TVP23B: variants seen among roughly 807,000 people sequenced by gnomAD.
The protein encoded by TVP23B is Golgi apparatus membrane protein TVP23 homolog B.
In TVP23B, 10 loss-of-function variants were observed where a neutral mutation model predicts 30.6. The observed-to-expected ratio is 0.33, with a 90% confidence interval of 0.20 to 0.55. TVP23B has a LOEUF of 0.55. TVP23B is among the 20% of genes least tolerant of loss of function. The pLI is 0.91. For synonymous variants in TVP23B, 67 were observed against 83.1 expected (o/e 0.81, Z 1.06); for missense variants, 153 against 243.2 (o/e 0.63, Z 2.47).
intron 1 of TVP23B, among the ~76,000 whole-genome samples, chr17:18,783,744 G>A (rs1443556110): frequency 6.6e-6 from 1 of 152,132 alleles, no homozygotes; most frequent in East Asian, 1.9e-4. Context: ...CTTGCCTACT[G>A]GAAGGCATTG....
intron 5 of TVP23B, among the ~76,000 whole-genome samples, chr17:18,799,800 T>C (rs866215039): frequency 1.3e-5 from 2 of 152,240 alleles, no homozygotes; most frequent in East Asian, 3.9e-4. Context: ...ATATCAGATA[T>C]ATTTTGGCCT....
At chr17:18,787,382 G>A (rs12452472) in intron 1 of TVP23B, among the ~76,000 whole-genome samples, 9,782 of 123,942 alleles carry the variant, frequency 0.079, 34 homozygotes, top group Middle Eastern at 0.13. Context: ...CAGCCTGGGC[G>A]ACAGAGCAAG....
At chr17:18,784,080 G>A (rs1201955684) in intron 1 of TVP23B, among the ~76,000 whole-genome samples, 1 of 152,152 alleles carries the variant, frequency 6.6e-6, no homozygotes, top group Non-Finnish European at 1.5e-5. Flanking sequence ...GGGAGGCGGA[G>A]CTTGCAGTGA....
chr17:18,792,159 G>A (rs1203464205), intron 3 of TVP23B, among the ~76,000 whole-genome samples: 2 of 151,484 alleles, frequency 1.3e-5, no homozygotes, highest in African/African-American at 2.4e-5. Flanking sequence ...TCAGACTCCC[G>A]AGTAGCTGGG....
At position 18,793,056 on chromosome 17, in the gene TVP23B, A is replaced by C. The variant is rs1029271102; in HGVS notation, c.240+2016A>C. Among the ~76,000 whole-genome samples, 1,331 of 151,872 alleles carry C rather than the reference A, an allele frequency of 8.8e-3. 17 individuals carry two copies. Among genetic ancestry groups the C allele is most frequent in the South Asian group, 0.07 (337 of 4,814 alleles). On this transcript the variant is annotated intron_variant, in intron 3 of 6. Transcript: ENST00000307767. ...TGAGCTTAAAAAAAAAATCGCACAC[A>C]AAAAAATCTCATAATGTTTTAAGAA...
At chr17:18,789,741 T>C (rs2035963454) in intron 2 of TVP23B, 1 of 256,202 alleles carries the variant, frequency 3.9e-6, no homozygotes, top group African/African-American at 2.2e-5. Context: ...ACATTACATT[T>C]TGATTTATTG....
intron 3 of TVP23B, among the ~76,000 whole-genome samples, chr17:18,791,910 A>G (rs1193261885): frequency 6.6e-6 from 1 of 152,072 alleles, no homozygotes; most frequent in Non-Finnish European, 1.5e-5. Context: ...TCGAAAATAT[A>G]GTAAAATAGT....
At chr17:18,782,711 TAGAG>T (rs1357840713) in intron 1 of TVP23B, among the ~76,000 whole-genome samples, 2 of 152,136 alleles carry the variant, frequency 1.3e-5, no homozygotes, top group African/African-American at 2.4e-5. Context: ...TTTTAGATCA[TAGAG>T]AGTAACTTCC....
intron 3 of TVP23B, among the ~76,000 whole-genome samples, chr17:18,793,740 T>G (rs904901553): frequency 5.3e-5 from 8 of 151,932 alleles, no homozygotes; most frequent in African/African-American, 1.9e-4. Flanking sequence ...GAAGCTTAAA[T>G]CAGAAAGTAC....
chr17:18,781,553 A>G (rs905267856), intron 1 of TVP23B: 5 of 559,292 alleles, frequency 8.9e-6, no homozygotes, highest in Non-Finnish European at 1.5e-5. Flanking sequence ...CCCATTGTTA[A>G]CCAGCGCGAG....
In TVP23B at chr17:18,805,709, A is replaced by G. The variant is rs2036241293; in HGVS notation, c.*142A>G. ...AAAAACTTTATTTATAAAAAGGAAA[A>G]GTAGTTTTCATATTAAGTTTTTATT... On this transcript the variant is annotated 3_prime_UTR_variant, in exon 7 of 7. Coordinates refer to ENST00000307767, the MANE Select transcript of TVP23B (RefSeq NM_016078.6). 2.0e-6 allele frequency: 3 copies of G among 1,466,014 alleles called. No individual in the cohort carries two copies. In the East Asian group the frequency reaches 7.3e-5, roughly 36 times the overall value. 90.8% of individuals were successfully genotyped at this position (1,466,014 alleles called of 1,614,324 possible).
At chr17:18,799,419 G>T (rs1182813597) in intron 5 of TVP23B, among the ~76,000 whole-genome samples, 1 of 151,970 alleles carries the variant, frequency 6.6e-6, no homozygotes, top group East Asian at 1.9e-4. Context: ...CTGTGCCTTC[G>T]TTTGGGCTTC....
chr17:18,802,194 C>T (rs1421806409), intron 5 of TVP23B, among the ~76,000 whole-genome samples: 2 of 152,048 alleles, frequency 1.3e-5, no homozygotes, highest in East Asian at 3.9e-4. Context: ...CGCACTCCAG[C>T]CTGAGCAACA....
At chr17:18,796,543 CAAAAACA>C (rs2036079614) in intron 3 of TVP23B, 1 of 151,582 alleles carries the variant, frequency 6.6e-6, no homozygotes. Flanking sequence ...AACTCTGTCT[CAAAAACA>C]AAAAACAAAA....
chr17:18,802,744 T>TA (rs2036188951), intron 5 of TVP23B, among the ~76,000 whole-genome samples: 1 of 152,254 alleles, frequency 6.6e-6, no homozygotes, highest in Non-Finnish European at 1.5e-5. Context: ...AAGTTTAACT[T>TA]ACAGATTTTA....
At chr17:18,794,258 A>G (rs1487670274) in intron 3 of TVP23B, among the ~76,000 whole-genome samples, 2 of 152,250 alleles carry the variant, frequency 1.3e-5, no homozygotes, top group Non-Finnish European at 2.9e-5. Context: ...TTCTTGTTAA[A>G]TGCCTGTGGG....
intron 1 of TVP23B, among the ~76,000 whole-genome samples, chr17:18,785,782 C>A (rs1485994316): frequency 2.0e-5 from 3 of 152,092 alleles, no homozygotes; most frequent in Admixed American, 6.6e-5. Context: ...GCAGTAGTGA[C>A]CCCTGATTGC....
At chr17:18,782,873 A>C (rs2035829526) in intron 1 of TVP23B, among the ~76,000 whole-genome samples, 1 of 150,812 alleles carries the variant, frequency 6.6e-6, no homozygotes. Flanking sequence ...CAAGGTCTTT[A>C]TGACCTGTAT....
chr17:18,793,185 TAAAG>T (rs1187586830), intron 3 of TVP23B, among the ~76,000 whole-genome samples: 1 of 152,076 alleles, frequency 6.6e-6, no homozygotes, highest in African/African-American at 2.4e-5. Flanking sequence ...TTAATGAAGA[TAAAG>T]AAGAGGTAGA....
Sources: allele counts gnomAD v4.1 joint callset (sites outside exome capture counted in the v4.1 genomes callset), GRCh38; gene constraint gnomAD v4.1.1; transcripts MANE v1.5; gene names NCBI Gene and HGNC (gene_info 2026-07-23, HGNC 2026-07-21).